VPS8: variants seen among roughly 807,000 people sequenced by gnomAD.
VPS8 encodes VPS8 subunit of CORVET complex.
Under a neutral mutation model 216.4 loss-of-function variants are expected in VPS8, and 129 were observed. The ratio of observed to expected loss-of-function variants is 0.60; its 90% CI spans 0.52 to 0.69. VPS8 has a LOEUF of 0.69. VPS8 is among the 30% of genes least tolerant of loss of function. VPS8 has a pLI of 0.00. For missense variants in VPS8, 1,531 were observed against 1,683.5 expected (o/e 0.91, Z 1.59); for synonymous variants, 571 against 565.4 (o/e 1.01, Z -0.14).
intron 38 of VPS8, 91 bp downstream of exon 38, chr3:184,964,648 C>A: frequency 1.4e-6 from 1 of 736,730 alleles, no homozygotes; most frequent in Non-Finnish European, 2.0e-6. Flanking sequence ...AAGCCAGTTG[C>A]AGACCGTAAT....
intron 15 of VPS8, among the ~76,000 whole-genome samples, chr3:184,860,385 G>A (rs1279488202): frequency 2.0e-5 from 3 of 148,258 alleles, no homozygotes; most frequent in Admixed American, 6.8e-5. Context: ...ATATATATAC[G>A]TATATATATG....
At chr3:184,891,440 TA>T (rs1345041194) in intron 22 of VPS8, among the ~76,000 whole-genome samples, 2 of 152,304 alleles carry the variant, frequency 1.3e-5, no homozygotes, top group African/African-American at 4.8e-5. Context: ...TCATTAAAAG[TA>T]ATGGCAAAAA....
intron 20 of VPS8, 90 bp from the exon 21 acceptor site, chr3:184,870,626 C>A (rs1728155865): frequency 8.2e-6 from 8 of 971,040 alleles, no homozygotes; most frequent in African/African-American, 1.6e-5. Context: ...ATAACAAATT[C>A]TAATTATGTA....
rs1346291156 is a variant in VPS8 at position 184,834,676 on chromosome 3, A to C, written c.381A>C (p.Ser127=). 6.5e-7 allele frequency: 1 copy of C among 1,549,086 alleles called. No individual in the cohort carries two copies. Among genetic ancestry groups the C allele is most frequent in the Admixed American group, 2.0e-5 (1 of 50,762 alleles). Residue 127 remains serine (S), a synonymous_variant, in exon 5 of 48, where the codon TCA becomes TCC. Transcript: ENST00000625842. ...AGAAGAAATTACCTGATTCTTTTTC[A>C]CTTCATGGATCAGTTATGCGCCATT... ...KRKKKLPDSF[S]LHGSVMRHSL...
chr3:184,931,800 T>G (rs1740734524), intron 34 of VPS8, among the ~76,000 whole-genome samples: 2 of 152,182 alleles, frequency 1.3e-5, no homozygotes, highest in Admixed American at 1.3e-4. Flanking sequence ...CTTTAATCAT[T>G]TAGTATTCTT....
At chr3:184,963,832 T>C (rs993468840) in intron 37 of VPS8, among the ~76,000 whole-genome samples, 4 of 152,122 alleles carry the variant, frequency 2.6e-5, no homozygotes, top group African/African-American at 9.6e-5. Flanking sequence ...CATGATTCGG[T>C]GCTGTATTTT....
At chr3:184,976,587 C>A (rs11920245) in intron 40 of VPS8, among the ~76,000 whole-genome samples, 6,176 of 151,976 alleles carry the variant, frequency 0.041, 222 homozygotes, top group East Asian at 0.11. Flanking sequence ...AGCATAGTAC[C>A]CGATAGGTAG....
chr3:184,943,493 A>G (rs188633297), intron 36 of VPS8, among the ~76,000 whole-genome samples: 76 of 152,304 alleles, frequency 5.0e-4, no homozygotes, highest in Non-Finnish European at 1.0e-3. Context: ...CAGAATACGG[A>G]TATAGGGTCA....
At chr3:185,003,963 C>A (rs1428839597) in intron 45 of VPS8, among the ~76,000 whole-genome samples, 1 of 150,492 alleles carries the variant, frequency 6.6e-6, no homozygotes, top group African/African-American at 2.5e-5. Context: ...AGACGATGGG[C>A]GGCCGGGCAG....
intron 36 of VPS8, among the ~76,000 whole-genome samples, chr3:184,948,309 C>T (rs116650737): frequency 0.01 from 1,546 of 150,862 alleles, 28 homozygotes; most frequent in African/African-American, 0.035. Flanking sequence ...GCCAAGAATT[C>T]AAGACCAGCC....
At chr3:184,984,325 C>G (rs932262140) in intron 42 of VPS8, among the ~76,000 whole-genome samples, 1 of 136,266 alleles carries the variant, frequency 7.3e-6, no homozygotes, top group African/African-American at 2.7e-5. Context: ...GACAGTTTCA[C>G]TCTTGTTGCC....
intron 36 of VPS8, among the ~76,000 whole-genome samples, chr3:184,951,002 A>G (rs560487982): frequency 8.5e-5 from 13 of 152,200 alleles, no homozygotes; most frequent in African/African-American, 2.9e-4. Flanking sequence ...TGACTTTGCT[A>G]TTGTAAATAG....
intron 26 of VPS8, 90 bp downstream of exon 26, chr3:184,913,651 GTACTT>G: frequency 1.8e-6 from 2 of 1,085,316 alleles, no homozygotes; most frequent in Non-Finnish European, 2.6e-6. Context: ...TATCTATATA[GTACTT>G]TTAATTTTGC....
intron 35 of VPS8, among the ~76,000 whole-genome samples, chr3:184,937,316 G>C (rs1473859226): frequency 6.6e-6 from 1 of 152,132 alleles, no homozygotes; most frequent in Non-Finnish European, 1.5e-5. Context: ...GCACCACCCA[G>C]AGTCCTCAAG....
chr3:184,864,757 T>C (rs1727020601), intron 16 of VPS8, among the ~76,000 whole-genome samples: 1 of 152,010 alleles, frequency 6.6e-6, no homozygotes, highest in African/African-American at 2.4e-5. Context: ...AGAATATTAA[T>C]AGGAATACAG....
chr3:184,972,627 T>C (rs1181534850), intron 40 of VPS8, among the ~76,000 whole-genome samples: 2 of 152,188 alleles, frequency 1.3e-5, no homozygotes, highest in East Asian at 3.8e-4. Context: ...CCCTTCATGA[T>C]TCCAATGTGC....
intron 21 of VPS8, among the ~76,000 whole-genome samples, chr3:184,878,781 A>G (rs1193808415): frequency 1.3e-5 from 2 of 152,176 alleles, no homozygotes; most frequent in Non-Finnish European, 2.9e-5. Flanking sequence ...ATACACACAT[A>G]TACATGCAGA....
chr3:185,038,353 T>G (rs1759185345), intron 46 of VPS8, among the ~76,000 whole-genome samples: 1 of 152,210 alleles, frequency 6.6e-6, no homozygotes, highest in Admixed American at 6.5e-5. Flanking sequence ...ACTAACGCCT[T>G]AGGACATAAA....
At chr3:184,925,218 C>T (rs183776417) in intron 30 of VPS8, among the ~76,000 whole-genome samples, 1 of 152,232 alleles carries the variant, frequency 6.6e-6, no homozygotes, top group East Asian at 1.9e-4. Context: ...TCTGAATTGC[C>T]TAGAATTCGT....
Sources: allele counts gnomAD v4.1 joint callset (sites outside exome capture counted in the v4.1 genomes callset), GRCh38; gene constraint gnomAD v4.1.1; transcripts MANE v1.5; gene names NCBI Gene and HGNC (gene_info 2026-07-23, HGNC 2026-07-21).